Variants in CAMK2A observed in about 807,000 individuals in gnomAD.
CAMK2A encodes calcium/calmodulin-dependent protein kinase type II subunit alpha.
In CAMK2A, 7 loss-of-function variants were observed where a neutral mutation model predicts 79.2. That is an observed-to-expected ratio of 0.09 (90% confidence interval 0.05 to 0.17). CAMK2A has a LOEUF of 0.17. Among genes scored for constraint, CAMK2A ranks in the 10% least tolerant of loss-of-function variants. The pLI is 1.00. For synonymous variants in CAMK2A, 242 were observed against 251.7 expected (o/e 0.96, Z 0.36); for missense variants, 214 against 646.4 (o/e 0.33, Z 7.25).
intron 12 of CAMK2A, among the ~76,000 whole-genome samples, chr5:150,246,983 G>T (rs930212): frequency 0.42 from 64,215 of 151,832 alleles, 13,555 homozygotes; most frequent in South Asian, 0.49. Context: ...AGCGGCCTGC[G>T]CTCCCCAGAA....
At chr5:150,233,404 CA>C (rs1485186682) in intron 15 of CAMK2A, among the ~76,000 whole-genome samples, 1 of 152,208 alleles carries the variant, frequency 6.6e-6, no homozygotes, top group Non-Finnish European at 1.5e-5. Context: ...CAACGTCAGC[CA>C]CCACTGTGAA....
At chr5:150,279,305 T>C (rs974641449) in intron 1 of CAMK2A, among the ~76,000 whole-genome samples, 6 of 152,146 alleles carry the variant, frequency 3.9e-5, no homozygotes, top group South Asian at 4.1e-4. Context: ...CGGTTCAACA[T>C]AGAGAAGAGC....
intron 1 of CAMK2A, among the ~76,000 whole-genome samples, chr5:150,275,912 GC>G (rs1756926089): frequency 6.6e-6 from 1 of 151,888 alleles, no homozygotes; most frequent in African/African-American, 2.4e-5. Context: ...TCAATCCCCA[GC>G]CCCCCTCCCC....
At chr5:150,248,509 C>T (rs1259023385) in intron 11 of CAMK2A, among the ~76,000 whole-genome samples, 1 of 132,962 alleles carries the variant, frequency 7.5e-6, no homozygotes, top group East Asian at 2.2e-4. Context: ...CAACAGGCCC[C>T]GGTGTGTGAT....
chr5:150,245,233 C>T (rs754572637), intron 12 of CAMK2A, 32 bp from the exon 13 acceptor site: 60 of 1,610,784 alleles, frequency 3.7e-5, no homozygotes, highest in Middle Eastern at 1.6e-4. Context: ...GGGTTAACAA[C>T]GCCAGGCAGG....
intron 2 of CAMK2A, among the ~76,000 whole-genome samples, chr5:150,269,751 C>T (rs1378873369): frequency 2.2e-4 from 34 of 152,138 alleles, no homozygotes; most frequent in Admixed American, 2.2e-3. Context: ...AGTCTGGGAA[C>T]AGGAAGTACC....
chr5:150,233,700 T>C (rs1156982162), intron 15 of CAMK2A, among the ~76,000 whole-genome samples: 1 of 152,240 alleles, frequency 6.6e-6, no homozygotes, highest in Non-Finnish European at 1.5e-5. Flanking sequence ...ACCCAGAACC[T>C]GGCTTCCTGA....
At position 150,284,102 on chromosome 5, in the gene CAMK2A, G is replaced by GT. The variant is rs1257909429; in HGVS notation, c.62+5461dup. On this transcript the variant is annotated intron_variant, in intron 1 of 18. Transcript: ENST00000671881. The surrounding 1 kb of genome is among the most constrained non-coding windows in gnomAD (Gnocchi z 5.3). ...AAGCTCCAAGAGAATGCCACAGGTG[G>GT]TTCACATGCAGAAGGGGACTGCAGC... Among the ~76,000 whole-genome samples the GT allele has an allele frequency of 2.0e-5, 3 of 152,180 alleles. No individual in the cohort carries two copies. The highest frequency in any genetic ancestry group is 6.5e-5 in the Admixed American group (1 of 15,274).
chr5:150,273,836 T>C (rs536763769), intron 1 of CAMK2A, among the ~76,000 whole-genome samples: 1 of 152,370 alleles, frequency 6.6e-6, no homozygotes, highest in East Asian at 1.9e-4. Context: ...CTCAGATTAG[T>C]TTCAATCTAT....
At chr5:150,229,582 G>A (rs949794343) in intron 16 of CAMK2A, among the ~76,000 whole-genome samples, 2 of 152,230 alleles carry the variant, frequency 1.3e-5, no homozygotes, top group Non-Finnish European at 2.9e-5. Context: ...AGAACCTAGA[G>A]CAGGCTGCAG....
intron 16 of CAMK2A, 98 bp from the exon 17 acceptor site, chr5:150,228,384 A>C: frequency 1.3e-6 from 1 of 793,728 alleles, no homozygotes; most frequent in Non-Finnish European, 2.1e-6. Context: ...CACCTACCTC[A>C]CAGGATCATT....
intron 1 of CAMK2A, among the ~76,000 whole-genome samples, chr5:150,286,884 G>A (rs573551303): frequency 3.9e-5 from 6 of 152,340 alleles, no homozygotes; most frequent in Non-Finnish European, 7.3e-5. Context: ...AGTAGCAATC[G>A]GCCCTGGGGG....
At chr5:150,231,751 A>T (rs569161384) in intron 15 of CAMK2A, among the ~76,000 whole-genome samples, 1 of 152,304 alleles carries the variant, frequency 6.6e-6, no homozygotes, top group South Asian at 2.1e-4. Context: ...TGGCTCCCAA[A>T]TACTTATTCC....
Position 150,228,909 on chromosome 5 carries a change from G to A in CAMK2A, c.1143-623C>T, listed in dbSNP as rs191449593. Among the ~76,000 whole-genome samples, 314 of 152,332 alleles carry A rather than the reference G, an allele frequency of 2.1e-3. 2 individuals carry two copies. Among genetic ancestry groups the A allele is most frequent in the Non-Finnish European group, 3.3e-3 (223 of 68,022 alleles). On this transcript the variant is annotated intron_variant, in intron 16 of 18. Transcript: ENST00000671881. ...GGTAATATCTGGGAGGAGAAGCACA[G>A]GGCATGACGGAGGCTGTGTATTTTC...
intron 13 of CAMK2A, among the ~76,000 whole-genome samples, chr5:150,241,216 G>T (rs1177570786): frequency 1.3e-5 from 2 of 152,186 alleles, no homozygotes; most frequent in African/African-American, 4.8e-5. Flanking sequence ...GCTCACAGGG[G>T]CATAAATGCT....
At position 150,284,504 on chromosome 5, in the gene CAMK2A, G is replaced by C. The variant is rs556257557; in HGVS notation, c.62+5060C>G. Among the ~76,000 whole-genome samples, 3 of 152,192 alleles carry C rather than the reference G, an allele frequency of 2.0e-5. No homozygotes were observed. The highest frequency in any genetic ancestry group is 2.0e-4 in the Admixed American group (3 of 15,292). ...GTGGAGGGAGGTGGGGAGGAAGGGAGGGAGGGAGGGAGGCTCAGCAGAGTG... is the reference window on the plus strand; with the variant it reads ...GTGGAGGGAGGTGGGGAGGAAGGGACGGAGGGAGGGAGGCTCAGCAGAGTG... On this transcript the variant is annotated intron_variant, in intron 1 of 18. Coordinates refer to ENST00000671881, the MANE Select transcript of CAMK2A (RefSeq NM_015981.4). The surrounding 1 kb of genome is among the most constrained non-coding windows in gnomAD (Gnocchi z 5.3).
chr5:150,222,204 C>A lies in CAMK2A; in HGVS notation c.*506G>T, dbSNP rs576005520. 4.7e-6 allele frequency: 2 copies of A among 426,270 alleles called. No individual in the cohort carries two copies. Among genetic ancestry groups the A allele is most frequent in the South Asian group, 5.2e-5 (2 of 38,682 alleles). 26.4% of individuals were successfully genotyped at this position (426,270 alleles called of 1,614,324 possible). The stretch of plus-strand genomic sequence containing the variant: ...GCACTTTGAGGCAGGAGGCTCCTGG[C>A]GTATGCTCTTCTCCCCACTCCTTCA... On this transcript the variant is annotated 3_prime_UTR_variant, in exon 19 of 19. Coordinates refer to ENST00000671881, the MANE Select transcript of CAMK2A (RefSeq NM_015981.4).
At chr5:150,250,164 C>A in intron 11 of CAMK2A, 62 bp downstream of exon 11, 1 of 1,241,038 alleles carries the variant, frequency 8.1e-7, no homozygotes, top group South Asian at 1.2e-5. Flanking sequence ...CTCCTGGCCT[C>A]TGTGGAGACC....
rs1452781421 is a variant in CAMK2A at position 150,219,909 on chromosome 5, G to GT, written c.*2800dup. The GT allele has an allele frequency of 6.6e-6, 1 of 152,090 alleles. No homozygotes were observed. Among genetic ancestry groups the GT allele is most frequent in the Non-Finnish European group, 1.5e-5 (1 of 67,994 alleles). The allele number at this position is 152,090 out of a possible 1,614,324, so 9.4% of individuals were successfully genotyped here. A position where few individuals can be genotyped will look rare whatever the true frequency, so the allele number is the denominator to read the frequency against. On this transcript the variant is annotated 3_prime_UTR_variant, in exon 19 of 19. Coordinates refer to ENST00000671881, the MANE Select transcript of CAMK2A (RefSeq NM_015981.4). Reference sequence around the variant, plus strand: ...TATTATTATTTTGCATCTAAAGGATGTTTTGGAGGAGCACAGAGTTTGTCT... The same window carrying GT: ...TATTATTATTTTGCATCTAAAGGATGTTTTTGGAGGAGCACAGAGTTTGTCT...
Sources: gnomAD v4.1 joint callset for allele counts (sites outside exome capture counted in the v4.1 genomes callset) on GRCh38, gnomAD v4.1.1 for gene constraint, Gnocchi (gnomAD v3.1) non-coding constraint, MANE v1.5 for transcripts, NCBI Gene and HGNC (gene_info 2026-07-23, HGNC 2026-07-21) for gene names.